Variants in LRP1B observed in about 807,000 individuals in gnomAD.
LRP1B encodes the protein low-density lipoprotein receptor-related protein 1B.
LRP1B carries 217 observed loss-of-function variants against 556.6 expected under a neutral mutation model. That is an observed-to-expected ratio of 0.39 (90% CI 0.35 to 0.44). The LOEUF is 0.44. LRP1B is among the 20% of genes least tolerant of loss of function. The pLI, the probability that LRP1B is intolerant of heterozygous loss-of-function variation, is 1.00. For missense variants in LRP1B, 5,053 were observed against 5,620.8 expected, an observed-to-expected ratio of 0.90 and a Z score of 3.23; for synonymous variants, 2,047 against 1,865.8, an observed-to-expected ratio of 1.10 and a Z score of -2.50.
chr2:140,570,912 G>A (rs1220789381), intron 43 of LRP1B, among the ~76,000 whole-genome samples: 1 of 151,662 alleles, frequency 6.6e-6, no homozygotes, highest in Non-Finnish European at 1.5e-5. Flanking sequence ...ATAAGAAACA[G>A]AAACCATATA....
At chr2:141,118,226 A>T (rs938390664) in intron 7 of LRP1B, among the ~76,000 whole-genome samples, 1 of 151,876 alleles carries the variant, frequency 6.6e-6, no homozygotes, top group African/African-American at 2.4e-5. Context: ...GCTGCCAATT[A>T]TTTTATAGAT....
At chr2:140,639,549 C>G (rs1274864430) in intron 41 of LRP1B, among the ~76,000 whole-genome samples, 1 of 152,184 alleles carries the variant, frequency 6.6e-6, no homozygotes, top group Admixed American at 6.5e-5. Flanking sequence ...TTTCTGATTT[C>G]AGTATCTGCA....
intron 2 of LRP1B, among the ~76,000 whole-genome samples, chr2:141,686,334 T>A (rs1191176940): frequency 6.6e-6 from 1 of 151,962 alleles, no homozygotes; most frequent in African/African-American, 2.4e-5. Flanking sequence ...AATAATAAAA[T>A]ATAAATGTTT....
intron 21 of LRP1B, among the ~76,000 whole-genome samples, chr2:140,920,881 T>C (rs1272818911): frequency 6.6e-6 from 1 of 152,018 alleles, no homozygotes; most frequent in Admixed American, 6.6e-5. Context: ...AAATCGATAA[T>C]CCAAATCTCA....
chr2:141,678,928 C>T (rs1407203376), intron 2 of LRP1B, among the ~76,000 whole-genome samples: 2 of 152,074 alleles, frequency 1.3e-5, no homozygotes, highest in African/African-American at 4.8e-5. Flanking sequence ...TAACTTGCTG[C>T]TAATGAATAA....
intron 41 of LRP1B, among the ~76,000 whole-genome samples, chr2:140,604,194 A>T (rs1574132781): frequency 6.6e-6 from 1 of 151,832 alleles, no homozygotes; most frequent in East Asian, 1.9e-4. Flanking sequence ...CAAACCAGTA[A>T]AAATCCTGTC....
chr2:141,919,926 T>C (rs1466410714), intron 1 of LRP1B, among the ~76,000 whole-genome samples: 1 of 151,918 alleles, frequency 6.6e-6, no homozygotes. Context: ...CAAAGAAAAA[T>C]GCAGAATTTT....
At chr2:140,933,888 C>A (rs1049832492) in intron 20 of LRP1B, among the ~76,000 whole-genome samples, 2 of 151,798 alleles carry the variant, frequency 1.3e-5, no homozygotes, top group African/African-American at 4.8e-5. Context: ...GTTGTCTTTA[C>A]TTTTGATGTA....
chr2:140,687,358 G>A (rs1249380597), intron 41 of LRP1B, among the ~76,000 whole-genome samples: 1 of 152,066 alleles, frequency 6.6e-6, no homozygotes, highest in Non-Finnish European at 1.5e-5. Flanking sequence ...AGTTAATAAG[G>A]TTTAGACAGC....
chr2:140,752,330 T>TG lies in LRP1B; in HGVS notation c.5758+16882_5758+16883insC, dbSNP rs542650377. On this transcript the variant is annotated intron_variant, in intron 35 of 90. Transcript: ENST00000389484. ...TATGACAACTTAAAATACTTTTTTT[T>TG]TTTTTTTTTAATAGGCAGAGTCCCA... Among the ~76,000 whole-genome samples the TG allele has an allele frequency of 2.4e-3, 335 of 137,516 alleles. 3 individuals are homozygous for TG. Among genetic ancestry groups the TG allele is most frequent in the African/African-American group, 7.9e-3 (302 of 38,022 alleles). 90.2% of individuals were successfully genotyped at this position (137,516 alleles called of 152,430 possible). A position where few individuals can be genotyped will look rare whatever the true frequency, so the allele number is the denominator to read the frequency against.
At chr2:142,004,143 A>G (rs1702736979) in intron 1 of LRP1B, among the ~76,000 whole-genome samples, 1 of 152,220 alleles carries the variant, frequency 6.6e-6, no homozygotes, top group Non-Finnish European at 1.5e-5. Flanking sequence ...GAAGGTTAGG[A>G]AGAAATTTAC....
chr2:141,920,296 G>A (rs1224257999), intron 1 of LRP1B, among the ~76,000 whole-genome samples: 1 of 140,492 alleles, frequency 7.1e-6, no homozygotes, highest in African/African-American at 2.6e-5. Context: ...GGGTGGTAGG[G>A]ATAATCATTT....
intron 2 of LRP1B, among the ~76,000 whole-genome samples, chr2:141,742,297 G>C (rs1693740880): frequency 6.7e-6 from 1 of 149,060 alleles, no homozygotes; most frequent in Admixed American, 6.8e-5. Flanking sequence ...TGTTGCCTAG[G>C]CTGGAGTGTA....
In LRP1B at chr2:141,215,733, C is replaced by A. The variant is rs300378; in HGVS notation, c.850+13450G>T. ...GGAAGTTTGAGCTTGAGAGTGATAG[C>A]CTAGGGTATCTGGCAGAAAAAACTT... On this transcript the variant is annotated intron_variant, in intron 6 of 90. Transcript: ENST00000389484. Among the ~76,000 whole-genome samples the A allele has an allele frequency of 9.9e-5, 15 of 152,174 alleles. No homozygotes were observed. The East Asian group carries it at 2.9e-3, about 29-fold the overall frequency.
At chr2:141,016,489 A>G (rs1420174151) in intron 12 of LRP1B, among the ~76,000 whole-genome samples, 9 of 152,066 alleles carry the variant, frequency 5.9e-5, no homozygotes, top group Non-Finnish European at 8.8e-5. Flanking sequence ...CAAATCATCT[A>G]TGTTTTATTG....
intron 49 of LRP1B, among the ~76,000 whole-genome samples, chr2:140,525,486 T>C (rs1690392269): frequency 6.6e-6 from 1 of 151,956 alleles, no homozygotes; most frequent in Non-Finnish European, 1.5e-5. Context: ...GTAAGGCCAG[T>C]CGTAAGAAAC....
At chr2:141,452,532 G>C (rs1288129633) in intron 3 of LRP1B, among the ~76,000 whole-genome samples, 1 of 152,164 alleles carries the variant, frequency 6.6e-6, no homozygotes, top group Non-Finnish European at 1.5e-5. Context: ...TGCAAATGTA[G>C]TATATCTTTT....
rs950397314 is a variant in LRP1B, at chr2:140,516,909, C to T, written c.8129G>A (p.Gly2710Glu). 3 of 1,613,302 alleles carry T rather than the reference C, an allele frequency of 1.9e-6. No individual in the cohort carries two copies. Among genetic ancestry groups the T allele is most frequent in the Non-Finnish European group, 2.5e-6 (3 of 1,179,672 alleles). ...ICDGQKDCED[G>E]RDEFHCDSSC... ...CTCACCACAGTGGAATTCATCACGT[C>T]CATCCTCACAATCTTTCTGACCATC... The change falls in exon 50 of 91, where the codon GGA becomes GAA. Residue 2710 changes from glycine (G) to glutamate (E), a missense_variant. By Grantham distance (98) the Gly-to-Glu change is moderately conservative (BLOSUM62 -2). Coordinates refer to ENST00000389484, the MANE Select transcript of LRP1B (RefSeq NM_018557.3).
At chr2:140,600,767 G>GTTTTTTTTT (rs61336155) in intron 42 of LRP1B, among the ~76,000 whole-genome samples, 1,806 of 56,458 alleles carry the variant, frequency 0.032, 140 homozygotes, top group Non-Finnish European at 0.045. Flanking sequence ...GTTCTTCGGG[G>GTTTTTTTTT]TTTTTTTTTT....
Sources: gnomAD v4.1 joint callset for allele counts (sites outside exome capture counted in the v4.1 genomes callset) on GRCh38, gnomAD v4.1.1 for gene constraint, MANE v1.5 for transcripts, NCBI Gene and HGNC (gene_info 2026-07-23, HGNC 2026-07-21) for gene names.